The following KDM4C variants were observed in gnomAD, a reference collection of about 807,000 sequenced individuals.
KDM4C encodes the protein lysine demethylase 4C.
KDM4C carries 81 observed loss-of-function variants against 129.3 expected under a neutral mutation model. The ratio of observed to expected loss-of-function variants is 0.63; its 90% CI spans 0.52 to 0.75. KDM4C has a LOEUF of 0.75. Among genes scored for constraint, KDM4C ranks in the 30% least tolerant of loss-of-function variants. The pLI is 0.00. For missense variants in KDM4C, 1,457 were observed against 1,304.0 expected (o/e 1.12, Z -1.81); for synonymous variants, 573 against 456.1 (o/e 1.26, Z -3.26).
intron 19 of KDM4C, among the ~76,000 whole-genome samples, chr9:7,156,645 C>T (rs544544272): frequency 6.6e-6 from 1 of 152,160 alleles, no homozygotes; most frequent in African/African-American, 2.4e-5. Context: ...TCAGGTTTGT[C>T]AAAGATCAGA....
At chr9:6,997,553 C>G (rs1324880742) in intron 12 of KDM4C, among the ~76,000 whole-genome samples, 1 of 152,158 alleles carries the variant, frequency 6.6e-6, no homozygotes, top group African/African-American at 2.4e-5. Flanking sequence ...CTTAGGCTGG[C>G]GATTCATGCC....
intron 1 of KDM4C, among the ~76,000 whole-genome samples, chr9:6,772,381 G>C (rs1274806796): frequency 6.7e-6 from 1 of 148,324 alleles, no homozygotes; most frequent in East Asian, 2.0e-4. Context: ...TTTTTTTTGA[G>C]ACGGCGTCTT....
chr9:6,880,155 C>G, intron 6 of KDM4C, 94 bp downstream of exon 6: 1 of 660,496 alleles, frequency 1.5e-6, no homozygotes, highest in Non-Finnish European at 2.6e-6. Context: ...CAATATAGAC[C>G]GTTACTCTGT....
At chr9:6,737,149 A>T (rs1019573704) in intron 1 of KDM4C, among the ~76,000 whole-genome samples, 21 of 151,994 alleles carry the variant, frequency 1.4e-4, no homozygotes, top group African/African-American at 4.6e-4. Context: ...CAAACAAATA[A>T]ATATAATTAA....
chr9:6,925,917 T>C (rs1235471695), intron 8 of KDM4C, among the ~76,000 whole-genome samples: 2 of 152,180 alleles, frequency 1.3e-5, no homozygotes, highest in African/African-American at 4.8e-5. Context: ...AGCCGCAGCT[T>C]AGCTTGGGAT....
chr9:6,807,116 C>G (rs756813398), intron 3 of KDM4C, among the ~76,000 whole-genome samples: 1,630 of 152,014 alleles, frequency 0.011, 15 homozygotes, highest in Non-Finnish European at 0.018. Flanking sequence ...TCTCCAGCCC[C>G]TAACCGCGAG....
intron 15 of KDM4C, among the ~76,000 whole-genome samples, chr9:7,042,180 A>T (rs770258354): frequency 1.3e-5 from 2 of 152,054 alleles, no homozygotes; most frequent in Non-Finnish European, 2.9e-5. Flanking sequence ...TCCTCTACAG[A>T]TAAAGTATCT....
intron 1 of KDM4C, among the ~76,000 whole-genome samples, chr9:6,734,302 T>G (rs1817450986): frequency 6.7e-6 from 1 of 148,726 alleles, no homozygotes. Flanking sequence ...TTTTTTTTTT[T>G]TTTTTTTTTT....
intron 20 of KDM4C, among the ~76,000 whole-genome samples, chr9:7,166,282 G>T (rs1844372299): frequency 6.6e-6 from 1 of 152,240 alleles, no homozygotes; most frequent in Admixed American, 6.5e-5. Context: ...AGGAGCAAGA[G>T]CTTAAATGGA....
In KDM4C at chr9:6,957,679, C is replaced by G. The variant is rs896179277; in HGVS notation, c.922-23246C>G. 1.4e-4 allele frequency among the ~76,000 whole-genome samples: 21 copies of G among 152,032 alleles called. 1 individual carries two copies. Among genetic ancestry groups the G allele is most frequent in the Admixed American group, 8.5e-4 (13 of 15,252 alleles). On this transcript the variant is annotated intron_variant, in intron 8 of 21. Transcript: ENST00000381309. Reference sequence around the variant, plus strand: ...CAATTGTGTTGTTTGTGAAATGGAACCAGGAGTGGGTCTGGGTGTTCATGT... The same window carrying G: ...CAATTGTGTTGTTTGTGAAATGGAAGCAGGAGTGGGTCTGGGTGTTCATGT...
intron 17 of KDM4C, among the ~76,000 whole-genome samples, chr9:7,059,995 CA>C (rs1313723512): frequency 6.6e-6 from 1 of 151,820 alleles, no homozygotes; most frequent in Non-Finnish European, 1.5e-5. Flanking sequence ...GTCCGGATAC[CA>C]AAAAGTTTGA....
chr9:6,770,298 C>T (rs1350254533), intron 1 of KDM4C, among the ~76,000 whole-genome samples: 1 of 151,284 alleles, frequency 6.6e-6, no homozygotes, highest in East Asian at 1.9e-4. Flanking sequence ...GTGCTTATAT[C>T]ATGATTGTAT....
chr9:7,022,176 C>G (rs1444698088), intron 15 of KDM4C, among the ~76,000 whole-genome samples: 3 of 151,858 alleles, frequency 2.0e-5, no homozygotes, highest in Non-Finnish European at 2.9e-5. Context: ...GATTTTTTTT[C>G]TATTTCTGTG....
intron 5 of KDM4C, among the ~76,000 whole-genome samples, chr9:6,865,288 G>A (rs771610155): frequency 1.3e-5 from 2 of 152,122 alleles, no homozygotes; most frequent in African/African-American, 4.8e-5. Context: ...GATTACAAGC[G>A]TGAGCCAAAG....
intron 4 of KDM4C, among the ~76,000 whole-genome samples, chr9:6,815,655 G>C (rs1038958357): frequency 1.3e-5 from 2 of 152,190 alleles, no homozygotes; most frequent in Non-Finnish European, 2.9e-5. Flanking sequence ...GCTCCAGTGA[G>C]CATTTCCTTT....
chr9:7,160,974 G>A (rs891930084), intron 19 of KDM4C, among the ~76,000 whole-genome samples: 3 of 149,860 alleles, frequency 2.0e-5, no homozygotes, highest in Non-Finnish European at 4.5e-5. Context: ...GTTGAGCTGC[G>A]GTGGGCTCCA....
rs542678341 is a variant in KDM4C at position 7,138,624 on chromosome 9, G to C, written c.2781+10388G>C. ...GAGTCCAGGAGTTTGAGACCAGCCT[G>C]GGCAACATAGAAAGACCTCTTCTTT... On this transcript the variant is annotated intron_variant, in intron 19 of 21. Coordinates refer to ENST00000381309, the MANE Select transcript of KDM4C (RefSeq NM_015061.6). 3.9e-5 allele frequency among the ~76,000 whole-genome samples: 6 copies of C among 152,078 alleles called. 1 individual carries two copies. In the South Asian group the frequency reaches 1.2e-3, roughly 32 times the overall value.
At chr9:7,007,414 A>G (rs1821877301) in intron 12 of KDM4C, among the ~76,000 whole-genome samples, 1 of 152,190 alleles carries the variant, frequency 6.6e-6, no homozygotes. Context: ...GTTTTCTTCA[A>G]TTTCTGGCAA....
At chr9:6,875,127 G>A (rs1843361552) in intron 5 of KDM4C, among the ~76,000 whole-genome samples, 1 of 152,114 alleles carries the variant, frequency 6.6e-6, no homozygotes. Context: ...TCATCTTCCC[G>A]TTTCCTTCCT....
Sources: allele counts gnomAD v4.1 joint callset (sites outside exome capture counted in the v4.1 genomes callset), GRCh38; gene constraint gnomAD v4.1.1; transcripts MANE v1.5; gene names NCBI Gene and HGNC (gene_info 2026-07-23, HGNC 2026-07-21).